The following CLINT1 variants were observed in gnomAD, a reference collection of about 807,000 sequenced individuals.
The protein encoded by CLINT1 is clathrin interactor 1, also known as clathrin interacting protein localized in the trans-Golgi region.
A neutral mutation model predicts 70.4 loss-of-function variants in CLINT1; 15 were observed. That is an observed-to-expected ratio of 0.21 (90% CI 0.14 to 0.33). The LOEUF is 0.33. Ranked by LOEUF, CLINT1 falls within the 10% of genes least tolerant of loss-of-function variation. CLINT1 has a pLI of 1.00. For missense variants in CLINT1, 615 were observed against 778.1 expected, an observed-to-expected ratio of 0.79 and a Z score of 2.49; for synonymous variants, 227 against 254.7, an observed-to-expected ratio of 0.89 and a Z score of 1.04.
chr5:157,828,045 C>T (rs984324189), intron 1 of CLINT1, among the ~76,000 whole-genome samples: 3 of 152,112 alleles, frequency 2.0e-5, no homozygotes, highest in African/African-American at 7.2e-5. Context: ...GTATTATTAT[C>T]ATTATGGAGA....
chr5:157,838,236 C>T (rs1476576497), intron 1 of CLINT1, among the ~76,000 whole-genome samples: 1 of 151,040 alleles, frequency 6.6e-6, no homozygotes, highest in Non-Finnish European at 1.5e-5. Context: ...AATTCTCTTG[C>T]CTCAGTCTCC....
At chr5:157,810,548 C>G (rs1762524044) in intron 5 of CLINT1, among the ~76,000 whole-genome samples, 1 of 152,106 alleles carries the variant, frequency 6.6e-6, no homozygotes, top group Non-Finnish European at 1.5e-5. Flanking sequence ...TTTGGGAATG[C>G]AGAGAATAGA....
intron 8 of CLINT1, among the ~76,000 whole-genome samples, chr5:157,801,506 CAA>C (rs1205787844): frequency 7.2e-6 from 1 of 139,836 alleles, no homozygotes. Flanking sequence ...AACTCTGTCT[CAA>C]AAAAAAAAAT....
chr5:157,798,213 C>T (rs569025412), intron 8 of CLINT1, among the ~76,000 whole-genome samples: 28 of 152,088 alleles, frequency 1.8e-4, no homozygotes, highest in African/African-American at 6.7e-4. Context: ...AAGCATTTTC[C>T]CAGAAAACTT....
chr5:157,845,166 T>C (rs1753325845), intron 1 of CLINT1, among the ~76,000 whole-genome samples: 1 of 152,094 alleles, frequency 6.6e-6, no homozygotes. Flanking sequence ...CTAGCCAACA[T>C]GGTGAAACTC....
At position 157,805,906 on chromosome 5, in the gene CLINT1, T is replaced by A; in HGVS notation, c.902A>T (p.Asp301Val). 6.2e-7 allele frequency: 1 copy of A among 1,614,016 alleles called. No individual in the cohort carries two copies. Among genetic ancestry groups the A allele is most frequent in the Non-Finnish European group, 8.5e-7 (1 of 1,179,886 alleles). Residue 301 changes from aspartate (D) to valine (V), a missense_variant, in exon 7 of 12, where the codon GAT becomes GTT. Asp to Val is a radical substitution (Grantham distance 152). This residue lies in a region of CLINT1 where 374 missense variants were observed against 409.6 expected (regional missense o/e 0.91). Transcript: ENST00000411809. ...AHYTGDKASP[D>V]QNASTHTPQS... ...AGGTGTGTGGGTTGAAGCATTCTGA[T>A]CTGGACTTGCTTTGTCCCCTGTGTA...
At chr5:157,852,967 A>G (rs1276648107) in intron 1 of CLINT1, among the ~76,000 whole-genome samples, 1 of 152,246 alleles carries the variant, frequency 6.6e-6, no homozygotes, top group East Asian at 1.9e-4. Flanking sequence ...TGTATATAAG[A>G]ACCTTCAAAA....
In CLINT1 at chr5:157,811,540, A is replaced by G. The variant is rs536748914; in HGVS notation, c.517+1523T>C. 7.2e-5 allele frequency among the ~76,000 whole-genome samples: 11 copies of G among 152,068 alleles called. 1 individual carries two copies. Among genetic ancestry groups the G allele is most frequent in the Non-Finnish European group, 1.0e-4 (7 of 67,960 alleles). ...AGAGCAAGAATCCTCAAAAAAAAAA[A>G]AAAAGAAAAGAAAAAGAAAAAACAC... is the stretch of plus-strand genomic sequence containing the variant. On this transcript the variant is annotated intron_variant, in intron 5 of 11. Coordinates refer to ENST00000411809, the MANE Select transcript of CLINT1 (RefSeq NM_014666.4).
At chr5:157,838,036 CT>C (rs1017862852) in intron 1 of CLINT1, among the ~76,000 whole-genome samples, 14 of 151,812 alleles carry the variant, frequency 9.2e-5, no homozygotes, top group Non-Finnish European at 2.1e-4. Context: ...AATTTTTCAG[CT>C]TTATATACAT....
At chr5:157,815,120 TACACACACAC>T (rs150242169) in intron 3 of CLINT1, among the ~76,000 whole-genome samples, 4 of 142,116 alleles carry the variant, frequency 2.8e-5, no homozygotes, top group South Asian at 2.3e-4. Context: ...TCTTCACACA[TACACACACAC>T]ACACACACAC....
In CLINT1 at chr5:157,787,479, G is replaced by C. The variant is rs181091881; in HGVS notation, c.*167C>G. Reference sequence around the variant, plus strand: ...CTGAAGTGCTCTTGCCTGGCCCTCTGAAATACTGGATATTTCACTTTTATA... The same window carrying C: ...CTGAAGTGCTCTTGCCTGGCCCTCTCAAATACTGGATATTTCACTTTTATA... On this transcript the variant is annotated 3_prime_UTR_variant, in exon 12 of 12. Transcript: ENST00000411809. The C allele has an allele frequency of 1.7e-4, 115 of 659,502 alleles. No homozygotes were observed. Among genetic ancestry groups the C allele is most frequent in the Non-Finnish European group, 2.6e-4 (103 of 390,370 alleles). The allele number at this position is 659,502 out of a possible 1,614,324, so 40.9% of individuals were successfully genotyped here.
In CLINT1 at chr5:157,805,992, TGTG is replaced by T; in HGVS notation, c.813_815del (p.Thr273del). 1 of 1,613,996 alleles carries T rather than the reference TGTG, an allele frequency of 6.2e-7. No homozygotes were observed. The highest frequency in any genetic ancestry group is 1.1e-5 in the South Asian group (1 of 91,090). ...GATTTGCTGTGCGCTTGTGTCTGGT[TGTG>T]GTGGTCTCTGTGGCCTGTGTGATAT... On this transcript the variant is annotated inframe_deletion, in exon 7 of 12. Transcript: ENST00000411809.
intron 1 of CLINT1, among the ~76,000 whole-genome samples, chr5:157,834,376 A>AAC (rs397882856): frequency 2.7e-5 from 4 of 150,272 alleles, no homozygotes; most frequent in African/African-American, 9.9e-5. Flanking sequence ...AAAAAAAAAA[A>AAC]CCTCCAGTTC....
At chr5:157,791,641 C>A in intron 10 of CLINT1, 62 bp downstream of exon 10, 4 of 1,430,344 alleles carry the variant, frequency 2.8e-6, no homozygotes, top group Non-Finnish European at 3.8e-6. Flanking sequence ...ATCTATCATT[C>A]AATGAGTTAG....
At chr5:157,789,741 A>T (rs1761844826) in intron 10 of CLINT1, 1 of 612,036 alleles carries the variant, frequency 1.6e-6, no homozygotes, top group Non-Finnish European at 2.8e-6. Flanking sequence ...TGAAGTCCCA[A>T]TCAGGTTTGA....
chr5:157,844,169 T>C lies in CLINT1; in HGVS notation c.41+14761A>G, dbSNP rs141961891. Among the ~76,000 whole-genome samples, 608 of 152,270 alleles carry C rather than the reference T, an allele frequency of 4.0e-3. 6 individuals carry two copies. The highest frequency in any genetic ancestry group is 0.014 in the African/African-American group (587 of 41,568). ...AAAACTAGACTTGACTTTTCTGACA[T>C]GAAGGAAAACTGTTTCTAGAACCTG... On this transcript the variant is annotated intron_variant, in intron 1 of 11. Transcript: ENST00000411809.
intron 10 of CLINT1, chr5:157,789,794 C>G: frequency 1.9e-6 from 1 of 519,824 alleles, no homozygotes; most frequent in Non-Finnish European, 3.4e-6. Context: ...CAATTATTCT[C>G]CCATCACTCA....
At chr5:157,811,270 G>A (rs867207996) in intron 5 of CLINT1, among the ~76,000 whole-genome samples, 1 of 152,102 alleles carries the variant, frequency 6.6e-6, no homozygotes, top group Non-Finnish European at 1.5e-5. Flanking sequence ...GGCCGGGTGC[G>A]GTGGCTCATG....
chr5:157,848,544 C>G (rs185798184), intron 1 of CLINT1, among the ~76,000 whole-genome samples: 1 of 151,914 alleles, frequency 6.6e-6, no homozygotes, highest in East Asian at 1.9e-4. Context: ...CACTCTGTCC[C>G]CCAGGCTGGA....
Sources: allele counts gnomAD v4.1 joint callset (sites outside exome capture counted in the v4.1 genomes callset), GRCh38; gene constraint gnomAD v4.1.1; regional missense constraint gnomAD v4.1.1; transcripts MANE v1.5; gene names NCBI Gene and HGNC (gene_info 2026-07-23, HGNC 2026-07-21).